MAP4K4: variants seen among roughly 807,000 people sequenced by gnomAD.
MAP4K4 encodes HPK/GCK-like kinase HGK.
In MAP4K4, 38 loss-of-function variants were observed where a neutral mutation model predicts 189.6. The ratio of observed to expected loss-of-function variants is 0.20; its 90% CI spans 0.15 to 0.26. MAP4K4 has a LOEUF of 0.26. Among genes scored for constraint, MAP4K4 ranks in the 10% least tolerant of loss-of-function variants. The probability of loss-of-function intolerance (pLI) is 1.00; values close to 1 mark genes in which losing one functional copy is unlikely to be tolerated. For missense variants in MAP4K4, 1,054 were observed against 1,726.9 expected, an observed-to-expected ratio of 0.61 and a Z score of 6.91; for synonymous variants, 610 against 624.3, an observed-to-expected ratio of 0.98 and a Z score of 0.34.
intron 2 of MAP4K4, among the ~76,000 whole-genome samples, chr2:101,724,117 T>C (rs972054109): frequency 7.9e-5 from 12 of 152,220 alleles, no homozygotes; most frequent in Non-Finnish European, 1.6e-4. Flanking sequence ...ATGATACTTA[T>C]GGATGTGCTT....
chr2:101,799,177 A>T (rs2148947540), intron 3 of MAP4K4, among the ~76,000 whole-genome samples: 1 of 152,306 alleles, frequency 6.6e-6, no homozygotes, highest in East Asian at 1.9e-4. Flanking sequence ...TCCCCAAGAC[A>T]GCAATACATA....
chr2:101,865,896 A>G (rs2097795258), intron 18 of MAP4K4, among the ~76,000 whole-genome samples: 1 of 152,168 alleles, frequency 6.6e-6, no homozygotes. Context: ...AGTCTGTGTC[A>G]TTAATTCTTA....
chr2:101,726,002 G>A (rs962450720), intron 2 of MAP4K4, among the ~76,000 whole-genome samples: 2 of 151,176 alleles, frequency 1.3e-5, no homozygotes, highest in African/African-American at 4.9e-5. Context: ...TGCATATCTA[G>A]TGCCCCCTGT....
intron 2 of MAP4K4, among the ~76,000 whole-genome samples, chr2:101,766,632 A>G (rs1397410322): frequency 6.6e-6 from 1 of 150,580 alleles, no homozygotes. Flanking sequence ...TTTCATTTCA[A>G]AGTTTTCTTT....
At chr2:101,702,888 T>C (rs2039809896) in intron 2 of MAP4K4, among the ~76,000 whole-genome samples, 1 of 152,264 alleles carries the variant, frequency 6.6e-6, no homozygotes, top group Non-Finnish European at 1.5e-5. Flanking sequence ...CATTTGACAC[T>C]GTGCTCATGT....
At chr2:101,869,732 G>C (rs773687320) in exon 22 of MAP4K4, 44 of 1,594,902 alleles carry the variant, frequency 2.8e-5, no homozygotes, top group Non-Finnish European at 6.8e-6. Flanking sequence ...CGGATGAGGA[G>C]GACGACGATG....
In MAP4K4 at chr2:101,833,700, A is replaced by G. The variant is rs558630363; in HGVS notation, c.640-709A>G. ...TTTAGTGAGTACCCGCCATTACAAA[A>G]GTAAATAAAACTGGCAAAAATGACT... On this transcript the variant is annotated intron_variant, in intron 7 of 32. Transcript: ENST00000324219. Among the ~76,000 whole-genome samples, 212 of 152,342 alleles carry G rather than the reference A, an allele frequency of 1.4e-3. 1 individual carries two copies. The highest frequency in any genetic ancestry group is 5.0e-3 in the African/African-American group (208 of 41,588).
At chr2:101,760,372 C>T (rs1223824124) in intron 2 of MAP4K4, among the ~76,000 whole-genome samples, 1 of 151,190 alleles carries the variant, frequency 6.6e-6, no homozygotes, top group East Asian at 1.9e-4. Flanking sequence ...GCCTGTAGTC[C>T]CAGCTACTTG....
chr2:101,825,479 C>T (rs773437650), intron 5 of MAP4K4, 50 bp downstream of exon 5: 19 of 1,236,682 alleles, frequency 1.5e-5, no homozygotes, highest in African/African-American at 4.5e-5. Context: ...CCTGTGCTTC[C>T]GTTTTCATTT....
intron 2 of MAP4K4, among the ~76,000 whole-genome samples, chr2:101,743,805 G>A (rs2063901294): frequency 6.6e-6 from 1 of 151,942 alleles, no homozygotes. Flanking sequence ...CTACAGCCAC[G>A]CACCACCACA....
chr2:101,804,615 A>G (rs1038080091), intron 3 of MAP4K4, among the ~76,000 whole-genome samples: 2 of 152,004 alleles, frequency 1.3e-5, no homozygotes, highest in African/African-American at 2.4e-5. Flanking sequence ...TTATGTCTAG[A>G]CATTCCCAGA....
intron 3 of MAP4K4, among the ~76,000 whole-genome samples, chr2:101,814,962 T>C: frequency 6.6e-6 from 1 of 152,226 alleles, no homozygotes; most frequent in East Asian, 1.9e-4. Flanking sequence ...GTCACTGAGC[T>C]GTGTAAATAC....
rs1558993935 is a variant in MAP4K4 at position 101,803,244 on chromosome 2, G to GTGTGT, written c.180+12468_180+12469insTGTGT. On this transcript the variant is annotated intron_variant, in intron 3 of 32. Transcript: ENST00000324219. ...CATATGCTTGGTTGATGATGATGAT[G>GTGTGT]ATGTGTGTGTGTGTGTGTGTATGTA... Among the ~76,000 whole-genome samples, 191 of 41,048 alleles carry GTGTGT rather than the reference G, an allele frequency of 4.7e-3. 2 individuals carry two copies. Among genetic ancestry groups the GTGTGT allele is most frequent in the African/African-American group, 0.032 (181 of 5,636 alleles). 26.9% of individuals were successfully genotyped at this position (41,048 alleles called of 152,430 possible).
In MAP4K4 at chr2:101,843,935, T is replaced by C. The variant is rs138904900; in HGVS notation, c.1023-166T>C. Among the ~76,000 whole-genome samples, 188 of 152,350 alleles carry C rather than the reference T, an allele frequency of 1.2e-3. 1 individual carries two copies. The highest frequency in any genetic ancestry group is 2.0e-3 in the Non-Finnish European group (138 of 68,026). On this transcript the variant is annotated intron_variant, in intron 11 of 32. Coordinates refer to ENST00000324219, the Ensembl canonical transcript of MAP4K4. ...ATAAGTAAAAGAAGATATGGGACTATTGAATTGTAGATATAGTCATTTCTG... is the reference window on the plus strand; with the variant it reads ...ATAAGTAAAAGAAGATATGGGACTACTGAATTGTAGATATAGTCATTTCTG...
At chr2:101,870,478 C>T (rs896020017) in intron 23 of MAP4K4, 63 bp downstream of exon 23, 5 of 1,591,840 alleles carry the variant, frequency 3.1e-6, no homozygotes, top group South Asian at 1.1e-5. Flanking sequence ...CCCACTTGCT[C>T]ATTCACTCAC....
intron 3 of MAP4K4, among the ~76,000 whole-genome samples, chr2:101,802,394 G>A (rs2094455174): frequency 6.6e-6 from 1 of 152,180 alleles, no homozygotes; most frequent in Non-Finnish European, 1.5e-5. Flanking sequence ...CAGAGTAAAA[G>A]TACGGGTTCT....
At position 101,870,431 on chromosome 2, in the gene MAP4K4, C is replaced by T. The variant is rs757897290; in HGVS notation, c.2760+16C>T. ...CGTCCGCCAGGTACCCGTGTCTTCTCTGTTGTCAGAGGCTGAGCTTCTCCT... is the reference window on the plus strand; with the variant it reads ...CGTCCGCCAGGTACCCGTGTCTTCTTTGTTGTCAGAGGCTGAGCTTCTCCT... On this transcript the variant is annotated intron_variant, in intron 23 of 32. Coordinates refer to ENST00000324219, the Ensembl canonical transcript of MAP4K4. 6.2e-7 allele frequency: 1 copy of T among 1,612,914 alleles called. No individual in the cohort carries two copies. The highest frequency in any genetic ancestry group is 8.5e-7 in the Non-Finnish European group (1 of 1,179,566).
intron 12 of MAP4K4, among the ~76,000 whole-genome samples, chr2:101,851,464 A>T (rs1201996091): frequency 6.6e-6 from 1 of 152,134 alleles, no homozygotes; most frequent in Admixed American, 6.6e-5. Context: ...TATTTTGTTG[A>T]TGGTGTGTAT....
rs1398225555 is a variant in MAP4K4 at position 101,853,517 on chromosome 2, A to G, written c.1234-2460A>G. On this transcript the variant is annotated intron_variant, in intron 12 of 32. Coordinates refer to ENST00000324219, the Ensembl canonical transcript of MAP4K4. ...GGATAATAGGACACAAGGAAAACTT[A>G]CAGAATCAATCCAGGATGTCCAACT... is the stretch of plus-strand genomic sequence containing the variant. Among the ~76,000 whole-genome samples the G allele has an allele frequency of 5.3e-5, 8 of 152,222 alleles. No individual in the cohort carries two copies. In the East Asian group the frequency reaches 9.6e-4, roughly 18 times the overall value.
Sources: allele counts gnomAD v4.1 joint callset (sites outside exome capture counted in the v4.1 genomes callset), GRCh38; gene constraint gnomAD v4.1.1; transcripts MANE v1.5; gene names NCBI Gene and HGNC (gene_info 2026-07-23, HGNC 2026-07-21).